ZNF804B: variants seen among roughly 807,000 people sequenced by gnomAD.
ZNF804B encodes zinc finger 804B.
In ZNF804B, 80 loss-of-function variants were observed where a neutral mutation model predicts 101.4. That is an observed-to-expected ratio of 0.79 (90% CI 0.66 to 0.95). ZNF804B has a LOEUF of 0.95. Ranked by LOEUF, ZNF804B falls within the 40% of genes least tolerant of loss-of-function variation. The pLI is 0.00. For synonymous variants in ZNF804B, 622 were observed against 558.8 expected (o/e 1.11, Z -1.59); for missense variants, 1,673 against 1,561.9 (o/e 1.07, Z -1.20).
intron 3 of ZNF804B, among the ~76,000 whole-genome samples, chr7:89,332,367 T>C (rs1466492286): frequency 6.6e-6 from 1 of 151,840 alleles, no homozygotes; most frequent in Non-Finnish European, 1.5e-5. Flanking sequence ...TAGTATTTTA[T>C]ATTCAAGCAA....
intron 1 of ZNF804B, among the ~76,000 whole-genome samples, chr7:88,796,828 G>T (rs1385321778): frequency 1.3e-5 from 2 of 152,046 alleles, no homozygotes; most frequent in African/African-American, 4.8e-5. Flanking sequence ...ATTGGAAATT[G>T]ATCATGGGGC....
intron 2 of ZNF804B, among the ~76,000 whole-genome samples, chr7:89,220,163 G>GCA (rs1788981900): frequency 2.3e-5 from 1 of 42,980 alleles, no homozygotes; most frequent in Non-Finnish European, 5.2e-5. Flanking sequence ...ATATATATAC[G>GCA]CACATATATA....
intron 1 of ZNF804B, among the ~76,000 whole-genome samples, chr7:88,777,713 T>C (rs3916636): frequency 2.0e-5 from 3 of 151,724 alleles, no homozygotes; most frequent in Non-Finnish European, 4.4e-5. Context: ...CCAGGTGTGG[T>C]GGCATGTGTC....
At chr7:88,859,051 G>C (rs1430178812) in intron 1 of ZNF804B, among the ~76,000 whole-genome samples, 1 of 151,994 alleles carries the variant, frequency 6.6e-6, no homozygotes, top group African/African-American at 2.4e-5. Flanking sequence ...TGATATTTAA[G>C]TATATATTTT....
At chr7:89,060,549 G>A (rs894480736) in intron 1 of ZNF804B, among the ~76,000 whole-genome samples, 2 of 152,046 alleles carry the variant, frequency 1.3e-5, no homozygotes, top group African/African-American at 4.8e-5. Context: ...ATATGCCGTG[G>A]TTTAAAGATC....
At chr7:89,279,000 A>T (rs1281447528) in intron 2 of ZNF804B, among the ~76,000 whole-genome samples, 1 of 152,178 alleles carries the variant, frequency 6.6e-6, no homozygotes, top group African/African-American at 2.4e-5. Flanking sequence ...ATGTTCTTCC[A>T]TTTGTTTGTA....
At chr7:89,304,013 C>A (rs116217048) in intron 2 of ZNF804B, among the ~76,000 whole-genome samples, 1,622 of 151,982 alleles carry the variant, frequency 0.011, 30 homozygotes, top group African/African-American at 0.037. Flanking sequence ...CAGGTTTATT[C>A]CGGACTATAG....
chr7:88,879,145 A>C (rs1791995476), intron 1 of ZNF804B, among the ~76,000 whole-genome samples: 1 of 152,218 alleles, frequency 6.6e-6, no homozygotes, highest in Admixed American at 6.5e-5. Context: ...TTCCTTGTAG[A>C]TTGAATGTTA....
In ZNF804B at chr7:88,835,143, T is replaced by A. The variant is rs756724991; in HGVS notation, c.108+75059T>A. On this transcript the variant is annotated intron_variant, in intron 1 of 3. Transcript: ENST00000333190. ...TAATATTAACATTTTTTAGTGGTAA[T>A]AAAATTACATGCTGCAAGGAAATCA... 5.3e-4 allele frequency among the ~76,000 whole-genome samples: 81 copies of A among 152,008 alleles called. 1 individual carries two copies. In the Middle Eastern group the frequency reaches 0.01, roughly 19 times the overall value.
At chr7:89,332,984 T>G (rs1483133166) in intron 3 of ZNF804B, among the ~76,000 whole-genome samples, 1 of 151,902 alleles carries the variant, frequency 6.6e-6, no homozygotes, top group Non-Finnish European at 1.5e-5. Flanking sequence ...GGCTTTTAAT[T>G]CTATTTAATT....
chr7:89,034,352 T>C (rs941399517), intron 1 of ZNF804B, among the ~76,000 whole-genome samples: 3 of 152,062 alleles, frequency 2.0e-5, no homozygotes, highest in Non-Finnish European at 4.4e-5. Context: ...CCGTGGTTGT[T>C]TGCTGCAACC....
intron 1 of ZNF804B, among the ~76,000 whole-genome samples, chr7:89,199,612 C>T (rs866399550): frequency 1.3e-5 from 2 of 151,770 alleles, no homozygotes; most frequent in Non-Finnish European, 2.9e-5. Flanking sequence ...GTGCCCCACA[C>T]CCATGAGAAA....
At chr7:88,845,754 T>A (rs2115816600) in intron 1 of ZNF804B, among the ~76,000 whole-genome samples, 1 of 152,330 alleles carries the variant, frequency 6.6e-6, no homozygotes, top group East Asian at 1.9e-4. Flanking sequence ...TTCTGTCTTA[T>A]CACAAGAACT....
At chr7:88,974,562 T>C (rs915707160) in intron 1 of ZNF804B, among the ~76,000 whole-genome samples, 5 of 151,330 alleles carry the variant, frequency 3.3e-5, no homozygotes, top group Admixed American at 6.6e-5. Flanking sequence ...TGTTATAGTC[T>C]GTTTGAAATC....
At chr7:88,818,900 CTTG>C (rs934437046) in intron 1 of ZNF804B, among the ~76,000 whole-genome samples, 15 of 152,062 alleles carry the variant, frequency 9.9e-5, no homozygotes, top group African/African-American at 3.6e-4. Context: ...GGTCATTATT[CTTG>C]TTGTTGTACT....
intron 1 of ZNF804B, among the ~76,000 whole-genome samples, chr7:88,857,818 T>A (rs1177380373): frequency 3.9e-5 from 5 of 129,286 alleles, no homozygotes; most frequent in Non-Finnish European, 7.9e-5. Flanking sequence ...CTTTCCTTTC[T>A]TTTCTTTTTT....
chr7:89,332,290 C>T (rs1270996667), intron 3 of ZNF804B, among the ~76,000 whole-genome samples: 3 of 151,676 alleles, frequency 2.0e-5, no homozygotes, highest in Non-Finnish European at 4.4e-5. Context: ...ATTTGTTAGA[C>T]AAGGACTCAG....
chr7:89,092,679 T>C (rs1789912504), intron 1 of ZNF804B, among the ~76,000 whole-genome samples: 2 of 151,976 alleles, frequency 1.3e-5, no homozygotes, highest in Non-Finnish European at 2.9e-5. Flanking sequence ...CCAAAGTGCG[T>C]TGATTTATTT....
chr7:89,090,362 A>G (rs912715303), intron 1 of ZNF804B, among the ~76,000 whole-genome samples: 1 of 152,056 alleles, frequency 6.6e-6, no homozygotes, highest in Non-Finnish European at 1.5e-5. Context: ...GTAAGAAGAA[A>G]TGAAAAGTTT....
Sources: gnomAD v4.1 joint callset for allele counts (sites outside exome capture counted in the v4.1 genomes callset) on GRCh38, gnomAD v4.1.1 for gene constraint, MANE v1.5 for transcripts, NCBI Gene and HGNC (gene_info 2026-07-23, HGNC 2026-07-21) for gene names.